The following PCDHGA7 variants were observed in gnomAD, a reference collection of about 807,000 sequenced individuals.
The protein encoded by PCDHGA7 is protocadherin gamma-A7.
PCDHGA7 carries 44 observed loss-of-function variants against 58.3 expected under a neutral mutation model. The ratio of observed to expected loss-of-function variants is 0.75; its 90% CI spans 0.59 to 0.97. PCDHGA7 has a LOEUF of 0.97. PCDHGA7 is among the 50% of genes least tolerant of loss of function. The pLI is 0.00. For synonymous variants in PCDHGA7, 516 were observed against 504.2 expected (o/e 1.02, Z -0.31); for missense variants, 1,266 against 1,188.7 (o/e 1.06, Z -0.96).
rs146719320 is a variant in PCDHGA7, at chr5:141,444,557, A to T, written c.2425-50250A>T. ...TGTGTCTAGTGAGCAAAAGGCACTTATTTGACACTTTTGACTCTTCCTTTC... is the reference window on the plus strand; with the variant it reads ...TGTGTCTAGTGAGCAAAAGGCACTTTTTTGACACTTTTGACTCTTCCTTTC... On this transcript the variant is annotated intron_variant, in intron 1 of 3. Transcript: ENST00000518325. Among the ~76,000 whole-genome samples, 1,352 of 152,248 alleles carry T rather than the reference A, an allele frequency of 8.9e-3. 18 individuals carry two copies. The highest frequency in any genetic ancestry group is 0.031 in the African/African-American group (1,277 of 41,558).
Position 141,393,770 on chromosome 5 carries a change from A to G in PCDHGA7, c.2424+8447A>G, listed in dbSNP as rs372280460. 83 of 1,613,864 alleles carry G rather than the reference A, an allele frequency of 5.1e-5. 1 individual carries two copies. Among genetic ancestry groups the G allele is most frequent in the Middle Eastern group, 1.6e-4 (1 of 6,084 alleles). On this transcript the variant is annotated intron_variant, in intron 1 of 3. Transcript: ENST00000518325. ...AATGTTCATTTTATGAAATGGAAAT[A>G]CAAGCCGAAGATGTGGGGGCACTTC... is the stretch of plus-strand genomic sequence containing the variant.
chr5:141,435,838 C>T (rs1037110579), intron 1 of PCDHGA7, among the ~76,000 whole-genome samples: 1 of 152,062 alleles, frequency 6.6e-6, no homozygotes, highest in Non-Finnish European at 1.5e-5. Context: ...TGCCTATCTA[C>T]TTTGAAAGAT....
chr5:141,400,528 A>G, intron 1 of PCDHGA7: 2 of 1,613,868 alleles, frequency 1.2e-6, no homozygotes, highest in South Asian at 2.2e-5. Flanking sequence ...TGAGTTGGTG[A>G]GTTTCATTTA....
intron 1 of PCDHGA7, among the ~76,000 whole-genome samples, chr5:141,460,183 CCA>C (rs561755067): frequency 7.2e-5 from 11 of 151,782 alleles, no homozygotes; most frequent in Non-Finnish European, 1.0e-4. Context: ...ATATTTTATC[CCA>C]GACTATGACT....
At chr5:141,392,584 C>T (rs1252723609) in intron 1 of PCDHGA7, 1 of 473,072 alleles carries the variant, frequency 2.1e-6, no homozygotes, top group African/African-American at 2.0e-5. Context: ...CTGTAAGCGC[C>T]GCTGTTCACC....
chr5:141,481,694 C>A (rs2099542163), intron 1 of PCDHGA7, among the ~76,000 whole-genome samples: 1 of 152,130 alleles, frequency 6.6e-6, no homozygotes, highest in South Asian at 2.1e-4. Flanking sequence ...TGGCTCACGC[C>A]TGTAATCCCA....
rs747205741 is a variant in PCDHGA7, at chr5:141,384,243, C to A, written c.1344C>A (p.Asn448Lys). The change falls in exon 1 of 4, where the codon AAC becomes AAA. Residue 448 changes from asparagine (N) to lysine (K), a missense_variant. Coordinates refer to ENST00000518325, the MANE Select transcript of PCDHGA7 (RefSeq NM_018920.4). ...TGCAGGTGGCAGACACCAACGATAA[C>A]CCACCCACCTTCCCCCACTCATCCT... ...IFMQVADTND[N>K]PPTFPHSSYS... 3.5e-5 allele frequency: 56 copies of A among 1,613,762 alleles called. 1 individual carries two copies. The South Asian group carries it at 6.0e-4, about 17-fold the overall frequency.
rs756525217 is a variant in PCDHGA7, at chr5:141,402,958, A to T, written c.2424+17635A>T. On this transcript the variant is annotated intron_variant, in intron 1 of 3. Coordinates refer to ENST00000518325, the MANE Select transcript of PCDHGA7 (RefSeq NM_018920.4). Reference sequence around the variant, plus strand: ...AATTCCAAAGCGAGGCAGCAATGGCAGCTCCAACCAAATGCCAGCTCCGCG... The same window carrying T: ...AATTCCAAAGCGAGGCAGCAATGGCTGCTCCAACCAAATGCCAGCTCCGCG... 48 of 1,602,110 alleles carry T rather than the reference A, an allele frequency of 3.0e-5. 1 individual carries two copies. The highest frequency in any genetic ancestry group is 8.5e-7 in the Non-Finnish European group (1 of 1,173,862).
chr5:141,508,550 G>T (rs1440375100), intron 3 of PCDHGA7, among the ~76,000 whole-genome samples: 3 of 152,138 alleles, frequency 2.0e-5, no homozygotes, highest in Non-Finnish European at 1.5e-5. Flanking sequence ...GGTGGGCGGG[G>T]GATGGCTTTG....
At chr5:141,461,007 A>G (rs965754689) in intron 1 of PCDHGA7, among the ~76,000 whole-genome samples, 1 of 151,418 alleles carries the variant, frequency 6.6e-6, no homozygotes, top group Non-Finnish European at 1.5e-5. Flanking sequence ...GTGTATATAT[A>G]TATACCACAT....
At chr5:141,454,837 G>A (rs1269424734) in intron 1 of PCDHGA7, among the ~76,000 whole-genome samples, 4 of 90,354 alleles carry the variant, frequency 4.4e-5, no homozygotes, top group East Asian at 6.5e-4. Flanking sequence ...AGACAGAGTC[G>A]CGCTCTGTCA....
intron 1 of PCDHGA7, among the ~76,000 whole-genome samples, chr5:141,463,810 A>G (rs1469182885): frequency 6.6e-6 from 1 of 152,178 alleles, no homozygotes; most frequent in Non-Finnish European, 1.5e-5. Context: ...AAAAGCTTTT[A>G]TCACACATTT....
intron 1 of PCDHGA7, chr5:141,426,778 C>A (rs780981970): frequency 2.2e-6 from 1 of 456,716 alleles, no homozygotes; most frequent in South Asian, 1.5e-5. Context: ...GGGCCTCACT[C>A]TCTCCAGAGT....
intron 1 of PCDHGA7, among the ~76,000 whole-genome samples, chr5:141,483,648 T>TTGTGTGTG (rs111458813): frequency 0.019 from 2,886 of 149,692 alleles, 51 homozygotes; most frequent in African/African-American, 0.054. Flanking sequence ...GGGTGTGTGT[T>TTGTGTGTG]TGTGTGTGTG....
rs1377762297 is a variant in PCDHGA7 at position 141,382,983 on chromosome 5, A to G, written c.84A>G (p.Ala28=). Residue 28 remains alanine (A), a synonymous_variant, in exon 1 of 4, where the codon GCA becomes GCG. Transcript: ENST00000518325. ...ILLGTPWEAW[A]GRILYSVSEE... is the part of the protein sequence containing the mutation. ...TGGGGACCCCCTGGGAAGCCTGGGC[A>G]GGACGTATTCTCTACTCCGTGTCGG... 4 of 1,612,430 alleles carry G rather than the reference A, an allele frequency of 2.5e-6. No individual in the cohort carries two copies. Among genetic ancestry groups the G allele is most frequent in the Non-Finnish European group, 3.4e-6 (4 of 1,178,810 alleles).
intron 1 of PCDHGA7, chr5:141,427,749 A>G (rs770208196): frequency 4.6e-6 from 6 of 1,299,142 alleles, no homozygotes; most frequent in South Asian, 2.4e-5. Context: ...CTCCTACTCC[A>G]TCGTTACCAC....
chr5:141,400,776 G>T (rs1461818790), intron 1 of PCDHGA7: 3 of 557,594 alleles, frequency 5.4e-6, no homozygotes, highest in Non-Finnish European at 9.4e-6. Context: ...CATTTGGTGC[G>T]TTTTTTTGTC....
intron 1 of PCDHGA7, among the ~76,000 whole-genome samples, chr5:141,470,142 A>G (rs1308458765): frequency 6.6e-6 from 1 of 152,044 alleles, no homozygotes; most frequent in Non-Finnish European, 1.5e-5. Context: ...AAAAAAGATC[A>G]TAGATCATCT....
intron 1 of PCDHGA7, among the ~76,000 whole-genome samples, chr5:141,457,190 G>A (rs2098913282): frequency 6.6e-6 from 1 of 152,200 alleles, no homozygotes; most frequent in African/African-American, 2.4e-5. Context: ...GTAGAGTGAG[G>A]AAAGCAGTTC....
Sources: gnomAD v4.1 joint callset for allele counts (sites outside exome capture counted in the v4.1 genomes callset) on GRCh38, gnomAD v4.1.1 for gene constraint, MANE v1.5 for transcripts, NCBI Gene and HGNC (gene_info 2026-07-23, HGNC 2026-07-21) for gene names.